USP14: variants seen among roughly 807,000 people sequenced by gnomAD.
USP14 encodes the protein ubiquitin carboxyl-terminal hydrolase 14.
Under a neutral mutation model 76.5 loss-of-function variants are expected in USP14, and 38 were observed. The observed-to-expected ratio is 0.50, with a 90% CI of 0.38 to 0.65. The LOEUF is 0.65. USP14 is among the 30% of genes least tolerant of loss of function. USP14 has a pLI of 0.00. For missense variants in USP14, 467 were observed against 586.5 expected (o/e 0.80, Z 2.10); for synonymous variants, 192 against 191.7 (o/e 1.00, Z -0.01).
chr18:179,556 A>G (rs1598269538), intron 4 of USP14, among the ~76,000 whole-genome samples: 1 of 141,916 alleles, frequency 7.0e-6, no homozygotes, highest in Non-Finnish European at 1.5e-5. Flanking sequence ...ATTTAGTGCC[A>G]TTCATTCATT....
chr18:189,329 A>G (rs1320633144), intron 5 of USP14, among the ~76,000 whole-genome samples: 1 of 152,002 alleles, frequency 6.6e-6, no homozygotes, highest in Non-Finnish European at 1.5e-5. Flanking sequence ...TAAAAGTTTC[A>G]TATGTGGATT....
Position 180,350 on chromosome 18 carries a change from A to G in USP14, c.404+11A>G, listed in dbSNP as rs1191102465. 1 of 1,566,662 alleles carries G rather than the reference A, an allele frequency of 6.4e-7. No homozygotes were observed. The highest frequency in any genetic ancestry group is 8.7e-7 in the Non-Finnish European group (1 of 1,153,538). ...AGATGCCCTTAAAAGGTAAGACTGC[A>G]GTCTTTTTTGGGTAAGGGATGTTCA... On this transcript the variant is annotated intron_variant, in intron 5 of 15. Transcript: ENST00000261601.
intron 3 of USP14, among the ~76,000 whole-genome samples, chr18:176,498 A>C (rs896975272): frequency 6.6e-6 from 1 of 152,084 alleles, no homozygotes; most frequent in Non-Finnish European, 1.5e-5. Context: ...AAGCTTACCT[A>C]GTTCATTAAT....
chr18:171,025 A>AAAAAAATATATAT (rs1327304974), intron 3 of USP14, among the ~76,000 whole-genome samples: 1 of 47,684 alleles, frequency 2.1e-5, no homozygotes, highest in Middle Eastern at 0.011. Context: ...AAAAAAAAAA[A>AAAAAAATATATAT]ATATATATAT....
chr18:207,457 TTGCTTG>T (rs1910560179), intron 13 of USP14, among the ~76,000 whole-genome samples: 1 of 144,650 alleles, frequency 6.9e-6, no homozygotes, highest in Admixed American at 6.9e-5. Flanking sequence ...GGTGGGCAGA[TTGCTTG>T]AGTCCAGAAG....
At chr18:205,034 C>T (rs967220616) in intron 13 of USP14, among the ~76,000 whole-genome samples, 5 of 152,036 alleles carry the variant, frequency 3.3e-5, no homozygotes, top group African/African-American at 1.2e-4. Context: ...GCCACCATGC[C>T]CAGCTATTTT....
intron 8 of USP14, 83 bp from the exon 9 acceptor site, chr18:197,964 A>G (rs1343325387): frequency 2.5e-6 from 3 of 1,196,850 alleles, no homozygotes; most frequent in Admixed American, 2.7e-5. Flanking sequence ...TTAAAAAAAT[A>G]TGTATTACTA....
chr18:199,168 C>T (rs748432151), intron 9 of USP14, 34 bp from the exon 10 acceptor site: 1 of 1,348,358 alleles, frequency 7.4e-7, no homozygotes, highest in South Asian at 1.2e-5. Flanking sequence ...AAATTGAATA[C>T]CCGTTGGCAT....
At chr18:203,478 T>C (rs1910440373) in intron 12 of USP14, among the ~76,000 whole-genome samples, 1 of 152,180 alleles carries the variant, frequency 6.6e-6, no homozygotes, top group Non-Finnish European at 1.5e-5. Context: ...CATATACAAT[T>C]CTGATGGCTC....
intron 1 of USP14, among the ~76,000 whole-genome samples, chr18:160,698 C>T (rs549981193): frequency 6.6e-5 from 10 of 152,324 alleles, no homozygotes; most frequent in Admixed American, 2.6e-4. Context: ...GTAGGTTCCT[C>T]TCCTTTACTT....
intron 1 of USP14, 123 bp downstream of exon 1, chr18:158,837 C>A (rs1909029760): frequency 8.0e-7 from 1 of 1,251,508 alleles, no homozygotes; most frequent in Non-Finnish European, 1.0e-6. Context: ...GTGCGCGGGG[C>A]CGGCGGCGCG....
chr18:164,498 T>G (rs372272692), intron 2 of USP14, among the ~76,000 whole-genome samples: 29 of 152,046 alleles, frequency 1.9e-4, no homozygotes, highest in African/African-American at 6.5e-4. Flanking sequence ...CTGTTGCCCA[T>G]GCTGGAGTGC....
At chr18:188,268 AT>A (rs1221748264) in intron 5 of USP14, among the ~76,000 whole-genome samples, 4 of 152,158 alleles carry the variant, frequency 2.6e-5, no homozygotes, top group Non-Finnish European at 4.4e-5. Flanking sequence ...TTTTTTAAAA[AT>A]AAGAAATACA....
At chr18:175,988 GGTTCATTTAA>G (rs923461317) in intron 3 of USP14, among the ~76,000 whole-genome samples, 3 of 151,890 alleles carry the variant, frequency 2.0e-5, no homozygotes, top group Admixed American at 2.0e-4. Context: ...TTAAGGAATT[GGTTCATTTAA>G]GTTGCTGAAT....
intron 5 of USP14, among the ~76,000 whole-genome samples, chr18:182,206 A>C (rs1303899562): frequency 6.6e-6 from 1 of 152,264 alleles, no homozygotes; most frequent in Non-Finnish European, 1.5e-5. Context: ...ATGGTCTACA[A>C]ATAAGGGCCC....
At chr18:171,090 TAAAG>T (rs1454747645) in intron 3 of USP14, among the ~76,000 whole-genome samples, 5 of 144,700 alleles carry the variant, frequency 3.5e-5, no homozygotes, top group African/African-American at 1.3e-4. Context: ...TCACGAGGTT[TAAAG>T]AAAGAAGCAA....
chr18:189,728 G>T (rs1338493756), intron 5 of USP14, among the ~76,000 whole-genome samples: 1 of 152,132 alleles, frequency 6.6e-6, no homozygotes, highest in Non-Finnish European at 1.5e-5. Context: ...TGATCCACCT[G>T]CCTCGGCCTC....
intron 5 of USP14, among the ~76,000 whole-genome samples, chr18:186,841 CCAATT>C (rs1026510215): frequency 4.0e-5 from 6 of 151,878 alleles, no homozygotes; most frequent in Admixed American, 2.6e-4. Context: ...TTTTTTATAA[CCAATT>C]CAAACAGTCT....
At chr18:182,926 G>GT (rs1411464581) in intron 5 of USP14, among the ~76,000 whole-genome samples, 1 of 152,196 alleles carries the variant, frequency 6.6e-6, no homozygotes. Context: ...TCTTGAAGTC[G>GT]TTTTTAAGAA....
Sources: allele counts gnomAD v4.1 joint callset (sites outside exome capture counted in the v4.1 genomes callset), GRCh38; gene constraint gnomAD v4.1.1; transcripts MANE v1.5; gene names NCBI Gene and HGNC (gene_info 2026-07-23, HGNC 2026-07-21).